The following RGS8 variants were observed in gnomAD, a reference collection of about 807,000 sequenced individuals.
RGS8 encodes the protein regulator of G protein signaling 8.
In RGS8, 8 loss-of-function variants were observed where a neutral mutation model predicts 21.7. That is an observed-to-expected ratio of 0.37 (90% CI 0.22 to 0.66). The LOEUF (loss-of-function observed/expected upper bound fraction) is 0.66. RGS8 is among the 30% of genes least tolerant of loss of function. The pLI is 0.59. For synonymous variants in RGS8, 80 were observed against 83.6 expected (o/e 0.96, Z 0.24); for missense variants, 157 against 217.9 (o/e 0.72, Z 1.76).
At chr1:182,715,831 T>G in the RGS8 span, among the ~76,000 whole-genome samples, 21 of 152,070 alleles carry the variant, frequency 1.4e-4, no homozygotes, top group African/African-American at 5.1e-4. Context: ...TCTGCCACAG[T>G]GAAACAGAAT....
the RGS8 span, among the ~76,000 whole-genome samples, chr1:182,696,576 T>C: frequency 1.3e-5 from 2 of 152,210 alleles, no homozygotes; most frequent in African/African-American, 4.8e-5. Context: ...CTCAAACTCC[T>C]GACCTCAAGT....
chr1:182,667,356 T>A (rs901360032), intron 3 of RGS8, among the ~76,000 whole-genome samples: 1 of 152,202 alleles, frequency 6.6e-6, no homozygotes, highest in Admixed American at 6.5e-5. Context: ...CAGCAGCAGC[T>A]CCTGATTGCA....
chr1:182,660,865 G>A (rs1663550151), intron 5 of RGS8, among the ~76,000 whole-genome samples: 1 of 151,814 alleles, frequency 6.6e-6, no homozygotes, highest in Non-Finnish European at 1.5e-5. Context: ...AGGACCCGCA[G>A]ATTTTTATTT....
At chr1:182,677,285 G>C (rs970423577), upstream of RGS8, among the ~76,000 whole-genome samples, 1 of 152,198 alleles carries the variant, frequency 6.6e-6, no homozygotes, top group African/African-American at 2.4e-5. Flanking sequence ...CTCGTTATAA[G>C]GATTGAATTA....
chr1:182,648,372 G>A lies in RGS8; in HGVS notation c.194-69C>T, dbSNP rs1257018975. The A allele has an allele frequency of 3.3e-6, 5 of 1,519,618 alleles. No individual in the cohort carries two copies. The Admixed American group carries it at 5.4e-5, about 16-fold the overall frequency. The allele number at this position is 1,519,618 out of a possible 1,614,324, so 94.1% of individuals were successfully genotyped here. Reference sequence around the variant, plus strand: ...TTAAGTTTAAGAACTGTAGAAGAAAGAAAGGAAGTAATAGTGTGAGGGTGC... The same window carrying A: ...TTAAGTTTAAGAACTGTAGAAGAAAAAAAGGAAGTAATAGTGTGAGGGTGC... On this transcript the variant is annotated intron_variant, in intron 5 of 6. Transcript: ENST00000483095.
At chr1:182,653,632 T>C (rs2023595) in intron 5 of RGS8, among the ~76,000 whole-genome samples, 114,969 of 152,022 alleles carry the variant, frequency 0.76, 43,550 homozygotes, top group Non-Finnish European at 0.78. Context: ...AGGTGGAGGT[T>C]GCAGTAAGCC....
At position 182,660,124 on chromosome 1, in the gene RGS8, T is replaced by C. The variant is rs114591926; in HGVS notation, c.193+5845A>G. The stretch of plus-strand genomic sequence containing the variant: ...AGAGCAAAAATAATTAGAATAGTTA[T>C]TTTTTATTGAGTTCCTCTATGGAGA... On this transcript the variant is annotated intron_variant, in intron 5 of 6. Coordinates refer to ENST00000483095, the Ensembl canonical transcript of RGS8. Among the ~76,000 whole-genome samples the C allele has an allele frequency of 8.3e-3, 1,264 of 152,318 alleles. 19 individuals are homozygous for C. Among genetic ancestry groups the C allele is most frequent in the African/African-American group, 0.028 (1,153 of 41,572 alleles).
the RGS8 span, among the ~76,000 whole-genome samples, chr1:182,741,621 G>T: frequency 8.0e-6 from 1 of 124,572 alleles, no homozygotes; most frequent in Non-Finnish European, 1.8e-5. Context: ...TGGCTGGGCG[G>T]GGGGCTGACC....
exon 3 of RGS8, chr1:182,669,661 CT>C: frequency 6.2e-7 from 1 of 1,614,232 alleles, no homozygotes; most frequent in South Asian, 1.1e-5. Context: ...CAGGCATCAG[CT>C]TACGGTTAAC....
At chr1:182,724,248 C>G in the RGS8 span, among the ~76,000 whole-genome samples, 1 of 53,216 alleles carries the variant, frequency 1.9e-5, no homozygotes, top group Admixed American at 2.1e-4. Flanking sequence ...ATATATATAT[C>G]CTATTATTTC....
upstream of RGS8, chr1:182,671,988 A>C: frequency 2.5e-6 from 3 of 1,194,974 alleles, no homozygotes; most frequent in Non-Finnish European, 2.2e-6. Context: ...GCCCATCCTC[A>C]TTGGCAGGAT....
At chr1:182,698,605 G>A in the RGS8 span, among the ~76,000 whole-genome samples, 2 of 152,140 alleles carry the variant, frequency 1.3e-5, no homozygotes, top group African/African-American at 4.8e-5. Context: ...GTCCCTCTCT[G>A]ATGCTTATTT....
At chr1:182,653,272 G>A (rs1663107076) in intron 5 of RGS8, among the ~76,000 whole-genome samples, 2 of 152,136 alleles carry the variant, frequency 1.3e-5, no homozygotes, top group Non-Finnish European at 1.5e-5. Context: ...GAATGAGACT[G>A]AATGAAGTGG....
At chr1:182,657,508 T>C (rs1056462972) in intron 5 of RGS8, among the ~76,000 whole-genome samples, 4 of 152,102 alleles carry the variant, frequency 2.6e-5, no homozygotes, top group African/African-American at 9.7e-5. Flanking sequence ...CCCCAGACCC[T>C]GCTCCCTCCC....
the RGS8 span, among the ~76,000 whole-genome samples, chr1:182,707,800 G>A: frequency 6.6e-6 from 1 of 151,924 alleles, no homozygotes; most frequent in Non-Finnish European, 1.5e-5. Context: ...TCTGCCTCCC[G>A]GGTTCACACC....
chr1:182,708,024 A>G, the RGS8 span, among the ~76,000 whole-genome samples: 3 of 152,318 alleles, frequency 2.0e-5, no homozygotes, highest in Non-Finnish European at 2.9e-5. Flanking sequence ...ATTTCTTTCA[A>G]TCATCACAAA....
At chr1:182,741,254 G>C in the RGS8 span, among the ~76,000 whole-genome samples, 4 of 140,724 alleles carry the variant, frequency 2.8e-5, no homozygotes, top group African/African-American at 8.2e-5. Context: ...CCCAGTAGGC[G>C]CGGCCGGGCA....
chr1:182,710,520 G>A, the RGS8 span, among the ~76,000 whole-genome samples: 1 of 152,120 alleles, frequency 6.6e-6, no homozygotes, highest in African/African-American at 2.4e-5. Flanking sequence ...AGGGTCAGGT[G>A]TCCTGTGTGT....
At chr1:182,720,891 A>G in the RGS8 span, among the ~76,000 whole-genome samples, 6 of 72,346 alleles carry the variant, frequency 8.3e-5, no homozygotes, top group African/African-American at 2.8e-4. Context: ...ATATATATAC[A>G]CATATATATA....
Sources: gnomAD v4.1 joint callset for allele counts (sites outside exome capture counted in the v4.1 genomes callset) on GRCh38, gnomAD v4.1.1 for gene constraint, MANE v1.5 for transcripts, NCBI Gene and HGNC (gene_info 2026-07-23, HGNC 2026-07-21) for gene names.